Variants in KCNMB3 observed in about 807,000 individuals in gnomAD.
KCNMB3 encodes calcium-activated potassium channel subunit beta-3.
A neutral mutation model predicts 11.9 loss-of-function variants in KCNMB3; 18 were observed. That is an observed-to-expected ratio of 1.51 (90% CI 1.04 to 2.23). KCNMB3 has a LOEUF of 2.23. Ranked by LOEUF, KCNMB3 falls within the 30% of genes most tolerant of loss-of-function variation. The probability of loss-of-function intolerance (pLI) is 0.00; values close to 1 mark genes in which losing one functional copy is unlikely to be tolerated. For synonymous variants in KCNMB3, 78 were observed against 119.2 expected, an observed-to-expected ratio of 0.65 and a Z score of 2.25; for missense variants, 247 against 329.4, an observed-to-expected ratio of 0.75 and a Z score of 1.94.
In KCNMB3 at chr3:179,245,647, G is replaced by A. The variant is rs149222247; in HGVS notation, c.249-954C>T. Among the ~76,000 whole-genome samples, 1,010 of 152,028 alleles carry A rather than the reference G, an allele frequency of 6.6e-3. 5 individuals are homozygous for A. Among genetic ancestry groups the A allele is most frequent in the Non-Finnish European group, 0.011 (759 of 67,972 alleles). Reference sequence around the variant, plus strand: ...CCTGAGTAGCTGGGATTACAGGTGCGCACCATCACGCCCAGCTAATTTTTT... The same window carrying A: ...CCTGAGTAGCTGGGATTACAGGTGCACACCATCACGCCCAGCTAATTTTTT... On this transcript the variant is annotated intron_variant, in intron 1 of 2. Coordinates refer to ENST00000392685, the MANE Select transcript of KCNMB3 (RefSeq NM_171830.2).
intron 1 of KCNMB3, among the ~76,000 whole-genome samples, chr3:179,264,162 AATCTT>A (rs949431731): frequency 6.6e-6 from 1 of 152,052 alleles, no homozygotes; most frequent in African/African-American, 2.4e-5. Flanking sequence ...TTTTTTTGTT[AATCTT>A]ATCTTTTTCA....
At chr3:179,244,772 G>A in intron 1 of KCNMB3, 79 bp from the exon 2 acceptor site, 1 of 1,252,298 alleles carries the variant, frequency 8.0e-7, no homozygotes, top group Non-Finnish European at 1.1e-6. Flanking sequence ...ATGAGCTTAT[G>A]TACACAATGC....
At position 179,244,561 on chromosome 3, in the gene KCNMB3, G is replaced by A; in HGVS notation, c.381C>T (p.Asn127=). The part of the protein sequence containing the change: ...GKYPCLQVFV[N]LSHPGQKALL... ...GAGCTTTCTGACCTGGATGGCTGAG[G>A]TTCACAAACACCTGAAGACACGGGT... is the stretch of plus-strand genomic sequence containing the variant. The change falls in exon 2 of 3, where the codon AAC becomes AAT. Residue 127 remains asparagine (N), a synonymous_variant. Transcript: ENST00000392685. 1 of 1,614,118 alleles carries A rather than the reference G, an allele frequency of 6.2e-7. No individual in the cohort carries two copies. Among genetic ancestry groups the A allele is most frequent in the South Asian group, 1.1e-5 (1 of 91,076 alleles).
At chr3:179,260,108 ATGCC>A in intron 1 of KCNMB3, 1 of 1,606,558 alleles carries the variant, frequency 6.2e-7, no homozygotes, top group South Asian at 1.1e-5. Flanking sequence ...TGTCATCACT[ATGCC>A]CTAAAGGACA....
rs760001786 is a variant in KCNMB3, at chr3:179,250,916, T to C, written c.75A>G (p.Ser25=). The stretch of plus-strand genomic sequence containing the variant: ...TGTAGTCTGTCTCTCTCTTCTTCCC[T>C]GAGGCAGGAAAGGCTGTCCTTTGGG... ...PFPQRTAFPA[S]GKKRETDYSD... Residue 25 remains serine, a synonymous_variant, in exon 1 of 3, where the codon TCA becomes TCG. Transcript: ENST00000392685. 1.9e-6 allele frequency: 3 copies of C among 1,614,122 alleles called. No homozygotes were observed. The highest frequency in any genetic ancestry group is 2.2e-5 in the South Asian group (2 of 91,068).
chr3:179,251,519 A>G, upstream of KCNMB3: 1 of 1,370,792 alleles, frequency 7.3e-7, no homozygotes, highest in East Asian at 2.6e-5. Context: ...CTGGCCACTC[A>G]TGGTTCTGCA....
intron 1 of KCNMB3, among the ~76,000 whole-genome samples, chr3:179,248,717 C>T: frequency 7.0e-6 from 1 of 142,816 alleles, no homozygotes; most frequent in East Asian, 2.0e-4. Flanking sequence ...GACAGAGTGA[C>T]ACCCTGCTTC....
Position 179,249,290 on chromosome 3 carries a change from G to A in KCNMB3, c.248+1453C>T, listed in dbSNP as rs369573408. ...GGCCTCCCAAAGTGCTGGGATTACA[G>A]GCGTGAGCCACCGCGCCTGGCCCAA... On this transcript the variant is annotated intron_variant, in intron 1 of 2. Transcript: ENST00000392685. Among the ~76,000 whole-genome samples, 33 of 149,734 alleles carry A rather than the reference G, an allele frequency of 2.2e-4. No homozygotes were observed. The South Asian group carries it at 6.7e-3, about 31-fold the overall frequency.
chr3:179,264,347 T>C (rs1364032555), intron 1 of KCNMB3, among the ~76,000 whole-genome samples: 1 of 152,176 alleles, frequency 6.6e-6, no homozygotes, highest in African/African-American at 2.4e-5. Flanking sequence ...TGTAATTAAC[T>C]TTGTTGTATT....
upstream of KCNMB3, among the ~76,000 whole-genome samples, chr3:179,255,439 A>C (rs1357044964): frequency 6.6e-6 from 1 of 152,134 alleles, no homozygotes; most frequent in Non-Finnish European, 1.5e-5. Context: ...ATTGAAAGTA[A>C]AAATTTAATG....
intron 1 of KCNMB3, among the ~76,000 whole-genome samples, chr3:179,263,778 GT>G (rs1230552796): frequency 5.0e-5 from 6 of 119,422 alleles, no homozygotes; most frequent in Admixed American, 4.8e-4. Context: ...TTTTGTTTCT[GT>G]TTTGTTTTTC....
chr3:179,261,200 G>A (rs1726196118), intron 1 of KCNMB3: 9 of 1,338,598 alleles, frequency 6.7e-6, no homozygotes, highest in South Asian at 4.4e-5. Context: ...GGCGAGCCGG[G>A]CCTCCGCCAG....
intron 1 of KCNMB3, among the ~76,000 whole-genome samples, chr3:179,257,604 C>T (rs1221514636): frequency 1.3e-5 from 2 of 152,178 alleles, no homozygotes; most frequent in African/African-American, 4.8e-5. Context: ...TTAAAATATC[C>T]TACTCCAGTC....
At chr3:179,260,600 G>T in intron 1 of KCNMB3, 1 of 1,456,104 alleles carries the variant, frequency 6.9e-7, no homozygotes, top group Non-Finnish European at 9.6e-7. Context: ...CTCTTCTTTC[G>T]TCATCTTGGT....
At chr3:179,260,937 C>G (rs1435638249) in intron 1 of KCNMB3, 1 of 1,110,224 alleles carries the variant, frequency 9.0e-7, no homozygotes, top group East Asian at 2.3e-5. Flanking sequence ...TTACATTTCT[C>G]TTCAACTTCT....
intron 1 of KCNMB3, among the ~76,000 whole-genome samples, chr3:179,261,920 A>G (rs1288293007): frequency 1.3e-5 from 2 of 152,270 alleles, no homozygotes; most frequent in African/African-American, 2.4e-5. Context: ...ATTTATAGGC[A>G]AAATGTAACA....
chr3:179,258,633 A>G (rs948630669), intron 1 of KCNMB3, among the ~76,000 whole-genome samples: 4 of 152,230 alleles, frequency 2.6e-5, no homozygotes, highest in African/African-American at 9.6e-5. Context: ...GAAGTCTAAG[A>G]ATGCTATTTG....
At chr3:179,257,691 A>T (rs1039547808) in intron 1 of KCNMB3, among the ~76,000 whole-genome samples, 4 of 152,178 alleles carry the variant, frequency 2.6e-5, no homozygotes, top group Non-Finnish European at 5.9e-5. Context: ...TCAAACAAAG[A>T]GAAGTAATTT....
chr3:179,245,794 T>C (rs1385876878), intron 1 of KCNMB3, among the ~76,000 whole-genome samples: 1 of 152,218 alleles, frequency 6.6e-6, no homozygotes, highest in Non-Finnish European at 1.5e-5. Flanking sequence ...CCACGGCTCC[T>C]GGTCTGAATT....
Sources: gnomAD v4.1 joint callset for allele counts (sites outside exome capture counted in the v4.1 genomes callset) on GRCh38, gnomAD v4.1.1 for gene constraint, MANE v1.5 for transcripts, NCBI Gene and HGNC (gene_info 2026-07-23, HGNC 2026-07-21) for gene names.